The following ANKS3 variants were observed in gnomAD, a reference collection of about 807,000 sequenced individuals.
The protein encoded by ANKS3 is ankyrin repeat and sterile alpha motif domain containing 3.
ANKS3 carries 62 observed loss-of-function variants against 80.7 expected under a neutral mutation model. The ratio of observed to expected loss-of-function variants is 0.77; its 90% CI spans 0.63 to 0.95. The LOEUF (loss-of-function observed/expected upper bound fraction) is 0.95, where lower values mean the gene tolerates loss of function less well. Among genes scored for constraint, ANKS3 ranks in the 40% least tolerant of loss-of-function variants. ANKS3 has a pLI of 0.00. For missense variants in ANKS3, 1,150 were observed against 883.6 expected (o/e 1.30, Z -3.82); for synonymous variants, 489 against 355.3 (o/e 1.38, Z -4.23).
intron 8 of ANKS3, among the ~76,000 whole-genome samples, chr16:4,704,421 G>A (rs2080078654): frequency 6.6e-6 from 1 of 152,100 alleles, no homozygotes; most frequent in Non-Finnish European, 1.5e-5. Flanking sequence ...ATCAAAGGAA[G>A]ACATAACTCA....
At chr16:4,725,145 A>C in intron 5 of ANKS3, 1 of 224,698 alleles carries the variant, frequency 4.5e-6, no homozygotes, top group Non-Finnish European at 8.7e-6. Flanking sequence ...AAGCTGTTCT[A>C]ATTCCTCACA....
intron 6 of ANKS3, chr16:4,717,630 T>C (rs1021674576): frequency 6.6e-6 from 1 of 152,118 alleles, no homozygotes; most frequent in African/African-American, 2.4e-5. Context: ...AACAGTAGCC[T>C]CTTTACTGTA....
chr16:4,712,567 T>C (rs2080553219), intron 7 of ANKS3, among the ~76,000 whole-genome samples: 2 of 152,280 alleles, frequency 1.3e-5, no homozygotes, highest in South Asian at 2.1e-4. Flanking sequence ...ATCTACCATA[T>C]GAAAATTCAC....
intron 1 of ANKS3, among the ~76,000 whole-genome samples, chr16:4,732,216 C>A (rs2081655438): frequency 6.6e-6 from 1 of 152,166 alleles, no homozygotes; most frequent in South Asian, 2.1e-4. Flanking sequence ...GTGCCCTTCC[C>A]TCACTTTGCA....
chr16:4,728,500 GCAGCAGGGCTCGAATGCACCCAGC>G (rs2081470959), intron 3 of ANKS3, among the ~76,000 whole-genome samples: 1 of 152,078 alleles, frequency 6.6e-6, no homozygotes, highest in African/African-American at 2.4e-5. Context: ...AGATGCCTCT[GCAGCAGGGCTCGAATGCACCCAGC>G]TCGTCCTAAC....
chr16:4,708,459 A>C (rs1027707746), intron 7 of ANKS3, among the ~76,000 whole-genome samples: 5 of 152,306 alleles, frequency 3.3e-5, no homozygotes, highest in South Asian at 2.1e-4. Flanking sequence ...TTAGCAACAA[A>C]AGGGCAACAA....
At chr16:4,698,332 C>T in intron 14 of ANKS3, 95 bp downstream of exon 14, 1 of 1,414,714 alleles carries the variant, frequency 7.1e-7, no homozygotes, top group Non-Finnish European at 9.2e-7. Context: ...ATCCACCCCT[C>T]AGTTACAAAA....
In ANKS3 at chr16:4,702,186, C is replaced by G; in HGVS notation, c.925G>C (p.Glu309Gln). The G allele has an allele frequency of 6.3e-7, 1 of 1,594,548 alleles. No individual in the cohort carries two copies. Among genetic ancestry groups the G allele is most frequent in the Non-Finnish European group, 8.5e-7 (1 of 1,170,802 alleles). Reference protein sequence around the residue: ...TFNSSGENPLEEEGLCCRDVT... With the variant: ...TFNSSGENPLQEEGLCCRDVT... ...TCCCGGCAGCAGAGGCCCTCTTCTT[C>G]CAGGGGGTTCTCGCCACTGCTGTTG... The change falls in exon 9 of 18, where the codon GAA becomes CAA. Residue 309 changes from glutamate to glutamine, a missense_variant. Physicochemically the swap from Glu to Gln is conservative, Grantham distance 29 (BLOSUM62 2). Transcript: ENST00000304283.
At chr16:4,702,017 A>C in intron 9 of ANKS3, 85 bp downstream of exon 9, 3 of 1,450,390 alleles carry the variant, frequency 2.1e-6, no homozygotes, top group Non-Finnish European at 2.7e-6. Flanking sequence ...GTCCAGCGCC[A>C]GGCCCAGGGG....
intron 15 of ANKS3, among the ~76,000 whole-genome samples, chr16:4,697,664 C>T (rs560767672): frequency 5.3e-5 from 8 of 152,340 alleles, no homozygotes; most frequent in African/African-American, 1.2e-4. Flanking sequence ...GGTGGGGACC[C>T]GGGTCTGGGC....
intron 6 of ANKS3, among the ~76,000 whole-genome samples, chr16:4,721,269 C>A (rs1403641198): frequency 6.8e-6 from 1 of 147,500 alleles, no homozygotes; most frequent in Non-Finnish European, 1.5e-5. Flanking sequence ...CGTGCCACTG[C>A]ACTCTAGCCT....
In ANKS3 at chr16:4,698,544, C is replaced by T. The variant is rs1191317573; in HGVS notation, c.1607G>A (p.Arg536His). Residue 536 changes from arginine (R) to histidine (H), a missense_variant, in exon 14 of 18, where the codon CGC becomes CAC. Physicochemically the swap from Arg to His is conservative, Grantham distance 29 (BLOSUM62 0). Transcript: ENST00000304283. ...RGQVCQEQEL[R>H]AVVESCLLEQ... ...CAGCAGGCAGCTCTCCACCACGGCG[C>T]GCAGCTCCTGCTCCTGACACACCTG... 7 of 1,579,600 alleles carry T rather than the reference C, an allele frequency of 4.4e-6. No individual in the cohort carries two copies. Among genetic ancestry groups the T allele is most frequent in the South Asian group, 2.3e-5 (2 of 88,796 alleles).
chr16:4,713,045 G>C (rs891538286), intron 7 of ANKS3, among the ~76,000 whole-genome samples: 8 of 152,092 alleles, frequency 5.3e-5, no homozygotes, highest in Admixed American at 1.3e-4. Flanking sequence ...TGAGATGGGT[G>C]GATCACCTGA....
At chr16:4,714,318 T>C (rs2142089580) in intron 6 of ANKS3, 132 bp from the exon 7 acceptor site, 2 of 1,333,624 alleles carry the variant, frequency 1.5e-6, no homozygotes, top group Middle Eastern at 2.0e-4. Context: ...ACATCACATC[T>C]GCATGAGAAA....
At chr16:4,713,193 G>C (rs1296569574) in intron 7 of ANKS3, among the ~76,000 whole-genome samples, 1 of 152,098 alleles carries the variant, frequency 6.6e-6, no homozygotes, top group Non-Finnish European at 1.5e-5. Flanking sequence ...GCTTGAACCT[G>C]GGAGGAAGAG....
intron 6 of ANKS3, among the ~76,000 whole-genome samples, chr16:4,723,039 G>T (rs1195286978): frequency 6.6e-6 from 1 of 152,174 alleles, no homozygotes; most frequent in Non-Finnish European, 1.5e-5. Context: ...CATCAGGACT[G>T]GTGAGGACAA....
At chr16:4,701,833 T>C in intron 9 of ANKS3, 2 of 502,266 alleles carry the variant, frequency 4.0e-6, no homozygotes, top group East Asian at 6.7e-5. Flanking sequence ...CAGACATTCC[T>C]ACTGGGGCCT....
intron 11 of ANKS3, chr16:4,699,963 C>A (rs1023742397): frequency 6.6e-6 from 1 of 152,454 alleles, no homozygotes; most frequent in African/African-American, 2.4e-5. Flanking sequence ...CTGAAAGAAA[C>A]ATACTTAGGA....
intron 11 of ANKS3, 22 bp from the exon 12 acceptor site, chr16:4,699,198 T>C: frequency 1.2e-6 from 2 of 1,612,934 alleles, no homozygotes; most frequent in Non-Finnish European, 1.7e-6. Flanking sequence ...AGGGGACAGG[T>C]TGGGGGAGGT....
Sources: allele counts gnomAD v4.1 joint callset (sites outside exome capture counted in the v4.1 genomes callset), GRCh38; gene constraint gnomAD v4.1.1; transcripts MANE v1.5; gene names NCBI Gene and HGNC (gene_info 2026-07-23, HGNC 2026-07-21).